Variants in SRA1 observed in about 807,000 individuals in gnomAD.
SRA1 encodes steroid receptor RNA activator 1.
A neutral mutation model predicts 24.3 loss-of-function variants in SRA1; 25 were observed. The ratio of observed to expected loss-of-function variants is 1.03; its 90% CI spans 0.75 to 1.43. SRA1 has a LOEUF of 1.43. Ranked by LOEUF, SRA1 falls within the 40% of genes most tolerant of loss-of-function variation. The probability of loss-of-function intolerance (pLI) is 0.00; values close to 1 mark genes in which losing one functional copy is unlikely to be tolerated. For synonymous variants in SRA1, 104 were observed against 109.5 expected, an observed-to-expected ratio of 0.95 and a Z score of 0.31; for missense variants, 303 against 286.6, an observed-to-expected ratio of 1.06 and a Z score of -0.41.
intron 1 of SRA1, 44 bp from the exon 2 acceptor site, chr5:140,557,316 G>GT: frequency 6.2e-7 from 1 of 1,606,706 alleles, no homozygotes; most frequent in Non-Finnish European, 8.5e-7. Flanking sequence ...GAACTCCACT[G>GT]TTAGCTTATA....
At chr5:140,551,771 C>G in intron 3 of SRA1, 2 of 497,214 alleles carry the variant, frequency 4.0e-6, no homozygotes, top group Non-Finnish European at 7.2e-6. Context: ...CCCACAGCAT[C>G]TTCTACTGAT....
intron 3 of SRA1, 139 bp from the exon 4 acceptor site, chr5:140,551,308 G>A: frequency 1.6e-6 from 1 of 623,034 alleles, no homozygotes; most frequent in South Asian, 2.1e-5. Flanking sequence ...AAAGATTAGA[G>A]GCCCCACTGA....
chr5:140,557,343 C>T, intron 1 of SRA1, 71 bp from the exon 2 acceptor site: 1 of 1,603,878 alleles, frequency 6.2e-7, no homozygotes, highest in South Asian at 1.1e-5. Context: ...CTGGGGGAGA[C>T]AGAGGGTCCA....
chr5:140,552,625 C>A (rs1365917766), intron 2 of SRA1, among the ~76,000 whole-genome samples: 3 of 151,344 alleles, frequency 2.0e-5, no homozygotes, highest in African/African-American at 7.3e-5. Flanking sequence ...TGCACTCCAG[C>A]CTGGGCAACA....
intron 2 of SRA1, among the ~76,000 whole-genome samples, chr5:140,554,793 G>A (rs1269075057): frequency 6.6e-6 from 1 of 152,058 alleles, no homozygotes; most frequent in Non-Finnish European, 1.5e-5. Context: ...TCTCTCCTCA[G>A]CCCATTCCAG....
chr5:140,554,942 G>A (rs1013146884), intron 2 of SRA1, among the ~76,000 whole-genome samples: 2 of 151,496 alleles, frequency 1.3e-5, no homozygotes, highest in African/African-American at 2.4e-5. Context: ...GCAATGGTGC[G>A]ATCTCGGCTC....
intron 1 of SRA1, 49 bp downstream of exon 1, chr5:140,557,379 C>A: frequency 1.2e-6 from 2 of 1,602,548 alleles, no homozygotes; most frequent in Middle Eastern, 1.7e-4. Flanking sequence ...CCGCCCCCAG[C>A]CTAGGCCGGG....
chr5:140,551,217 G>T (rs373200592), intron 3 of SRA1, 48 bp from the exon 4 acceptor site: 3 of 1,427,566 alleles, frequency 2.1e-6, no homozygotes, highest in Non-Finnish European at 3.0e-6. Context: ...AGCCCAATGA[G>T]GGGAGGAGAG....
rs1754755506 is a variant in SRA1 at position 140,557,420 on chromosome 5, G to A, written c.25+8C>T. 1.9e-6 allele frequency: 3 copies of A among 1,576,822 alleles called. No homozygotes were observed. Among genetic ancestry groups the A allele is most frequent in the Non-Finnish European group, 2.6e-6 (3 of 1,163,222 alleles). On this transcript the variant is annotated splice_region_variant and intron_variant, in intron 1 of 4. Transcript: ENST00000336283. ...AACCTAGTGCCCTAGCCCGCCGGCT[G>A]CGCTCACCCGGCTTCACGTACAGCT...
At chr5:140,557,343 CAG>C (rs1754748338) in intron 1 of SRA1, 71 bp from the exon 2 acceptor site, 1 of 1,603,760 alleles carries the variant, frequency 6.2e-7, no homozygotes, top group African/African-American at 1.3e-5. Flanking sequence ...CTGGGGGAGA[CAG>C]AGGGTCCATA....
At chr5:140,553,933 A>T (rs1425117156) in intron 2 of SRA1, among the ~76,000 whole-genome samples, 2 of 152,240 alleles carry the variant, frequency 1.3e-5, no homozygotes, top group Non-Finnish European at 2.9e-5. Context: ...AACAGAAAGA[A>T]GACTGGAAGA....
chr5:140,557,261 G>C lies in SRA1; in HGVS notation c.37C>G (p.Arg13Gly), dbSNP rs188941569. ...ELYVKPGNKE[R>G]GWNDPPQFSY... is the part of the protein sequence containing the mutation. Reference sequence around the variant, plus strand: ...AACTGCGGCGGGTCGTTCCAGCCGCGTTCCTTGTTGCCTGCGGAGGCGAGG... The same window carrying C: ...AACTGCGGCGGGTCGTTCCAGCCGCCTTCCTTGTTGCCTGCGGAGGCGAGG... The change falls in exon 2 of 5, where the codon CGC (arginine) becomes GGC (glycine). Residue 13 changes from arginine (R) to glycine (G), a missense_variant. Physicochemically the swap from Arg to Gly is moderately radical, Grantham distance 125. Coordinates refer to ENST00000336283, the MANE Select transcript of SRA1 (RefSeq NM_001035235.4). 8 of 1,611,818 alleles carry C rather than the reference G, an allele frequency of 5.0e-6. No homozygotes were observed. The African/African-American group carries it at 1.1e-4, about 21-fold the overall frequency.
At chr5:140,551,277 T>G in intron 3 of SRA1, 108 bp from the exon 4 acceptor site, 1 of 781,706 alleles carries the variant, frequency 1.3e-6, no homozygotes, top group Non-Finnish European at 2.0e-6. Context: ...GCCCACACTT[T>G]AGAATTCTGG....
intron 4 of SRA1, 64 bp from the exon 5 acceptor site, chr5:140,550,975 A>G: frequency 1.3e-6 from 2 of 1,579,700 alleles, no homozygotes; most frequent in Non-Finnish European, 1.7e-6. Flanking sequence ...CTCCCCTCCC[A>G]GTCAATCAAA....
At position 140,550,776 on chromosome 5, in the gene SRA1, T is replaced by G. The variant is rs761519885; in HGVS notation, c.599A>C (p.Glu200Ala). The G allele has an allele frequency of 9.3e-6, 15 of 1,614,038 alleles. No homozygotes were observed. The highest frequency in any genetic ancestry group is 4.4e-5 in the South Asian group (4 of 91,082). ...TGCAGATTTCTCTTCATTGGCTGCC[T>G]CCTCTGAAAACAGACTCCTCTTTTC... ...IAEKRSLFSE[E>A]AANEEKSAAT... Residue 200 changes from glutamate (E) to alanine (A), a missense_variant, in exon 5 of 5, where the codon GAG becomes GCG. By Grantham distance (107) the Glu-to-Ala change is moderately radical. Transcript: ENST00000336283.
rs562948175 is a variant in SRA1 at position 140,550,565 on chromosome 5, C to T, written c.*135G>A. On this transcript the variant is annotated 3_prime_UTR_variant, in exon 5 of 5. Transcript: ENST00000336283. ...TGAGTAACACATGAACTCCCTCTGG[C>T]CCAGGTGGGACTTCTTCCCTCATAG... is the stretch of plus-strand genomic sequence containing the variant. 1.6e-5 allele frequency: 12 copies of T among 767,672 alleles called. 1 individual carries two copies. In the South Asian group the frequency reaches 1.8e-4, roughly 11 times the overall value. 47.6% of individuals were successfully genotyped at this position (767,672 alleles called of 1,614,324 possible).
intron 2 of SRA1, among the ~76,000 whole-genome samples, chr5:140,553,481 T>C (rs1186251907): frequency 6.6e-6 from 1 of 152,138 alleles, no homozygotes; most frequent in African/African-American, 2.4e-5. Context: ...AACTTTTGAT[T>C]TGTTCAAGAG....
chr5:140,552,532 A>G (rs1209613296), intron 2 of SRA1, among the ~76,000 whole-genome samples: 1 of 152,086 alleles, frequency 6.6e-6, no homozygotes, highest in African/African-American at 2.4e-5. Flanking sequence ...ACATGCCTGT[A>G]ATCCCAGCTA....
At chr5:140,557,528 C>G (rs1214912230), upstream of SRA1, 11 of 1,498,122 alleles carry the variant, frequency 7.3e-6, no homozygotes, top group Non-Finnish European at 8.9e-6. Context: ...TGAGACACGT[C>G]CAGGGCCAGG....
Sources: allele counts gnomAD v4.1 joint callset (sites outside exome capture counted in the v4.1 genomes callset), GRCh38; gene constraint gnomAD v4.1.1; transcripts MANE v1.5; gene names NCBI Gene and HGNC (gene_info 2026-07-23, HGNC 2026-07-21).